The following CYFIP2 variants were observed in gnomAD, a reference collection of about 807,000 sequenced individuals.
CYFIP2 encodes cytoplasmic FMR1 interacting protein 2.
In CYFIP2, 29 loss-of-function variants were observed where a neutral mutation model predicts 158.7. The ratio of observed to expected loss-of-function variants is 0.18; its 90% CI spans 0.14 to 0.25. The LOEUF is 0.25. Among genes scored for constraint, CYFIP2 ranks in the 10% least tolerant of loss-of-function variants. The pLI, the probability that CYFIP2 is intolerant of heterozygous loss-of-function variation, is 1.00. For missense variants in CYFIP2, 852 were observed against 1,639.5 expected, an observed-to-expected ratio of 0.52 and a Z score of 8.29; for synonymous variants, 585 against 617.6, an observed-to-expected ratio of 0.95 and a Z score of 0.78.
At chr5:157,389,550 T>G in intron 29 of CYFIP2, 123 bp downstream of exon 29, 1 of 852,160 alleles carries the variant, frequency 1.2e-6, no homozygotes, top group South Asian at 1.8e-5. Context: ...CAACAACTAC[T>G]TTGTTGAGTG....
rs746532639 is a variant in CYFIP2, at chr5:157,287,119, G to C, written c.207+11G>C. 6.2e-7 allele frequency: 1 copy of C among 1,610,970 alleles called. No individual in the cohort carries two copies. The highest frequency in any genetic ancestry group is 8.5e-7 in the Non-Finnish European group (1 of 1,177,546). Reference sequence around the variant, plus strand: ...GTCCACTCCAGCATGGTAAGTCTCTGTGACCCACGTGTGCAGACATGCTCC... The same window carrying C: ...GTCCACTCCAGCATGGTAAGTCTCTCTGACCCACGTGTGCAGACATGCTCC... On this transcript the variant is annotated intron_variant, in intron 3 of 30. Coordinates refer to ENST00000620254, the MANE Select transcript of CYFIP2 (RefSeq NM_001037333.3).
intron 3 of CYFIP2, among the ~76,000 whole-genome samples, chr5:157,287,945 T>C (rs1757516855): frequency 6.6e-6 from 1 of 151,656 alleles, no homozygotes. Flanking sequence ...TTTTAAAAAT[T>C]AGCCGGGTGA....
At chr5:157,285,579 A>C in intron 2 of CYFIP2, 101 bp downstream of exon 2, 1 of 1,057,292 alleles carries the variant, frequency 9.5e-7, no homozygotes, top group Non-Finnish European at 1.4e-6. Flanking sequence ...TGCATCTAGA[A>C]GGTGAAAGGT....
chr5:157,307,900 G>A, intron 9 of CYFIP2, 35 bp downstream of exon 9: 1 of 1,242,420 alleles, frequency 8.0e-7, no homozygotes, highest in East Asian at 2.4e-5. Context: ...GCAGAGGGCT[G>A]AGGTTACCAG....
chr5:157,279,362 A>T (rs967729805), intron 1 of CYFIP2, among the ~76,000 whole-genome samples: 7 of 152,378 alleles, frequency 4.6e-5, no homozygotes, highest in African/African-American at 1.7e-4. Context: ...AAAAAGTCTT[A>T]ATATTTCATT....
chr5:157,320,050 CT>C, intron 14 of CYFIP2, 122 bp downstream of exon 14: 1 of 1,217,706 alleles, frequency 8.2e-7, no homozygotes, highest in Non-Finnish European at 1.1e-6. Flanking sequence ...CCAGAGGGCT[CT>C]TTAGGAGATT....
intron 26 of CYFIP2, chr5:157,365,103 A>G (rs1188334454): frequency 6.6e-6 from 1 of 152,204 alleles, no homozygotes; most frequent in South Asian, 2.1e-4. Context: ...TATTTAACAG[A>G]CATTTTCTCT....
At chr5:157,282,892 C>T (rs1206573229) in intron 1 of CYFIP2, among the ~76,000 whole-genome samples, 3 of 152,200 alleles carry the variant, frequency 2.0e-5, no homozygotes, top group Non-Finnish European at 4.4e-5. Flanking sequence ...TCTTCCTGGT[C>T]CCCTGGTTGG....
At chr5:157,315,246 CT>C (rs1281910746) in intron 13 of CYFIP2, among the ~76,000 whole-genome samples, 152 bp downstream of exon 13, 1 of 152,176 alleles carries the variant, frequency 6.6e-6, no homozygotes, top group Non-Finnish European at 1.5e-5. Flanking sequence ...AGAAGTTATT[CT>C]GCTACTCAGA....
rs375110631 is a variant in CYFIP2 at position 157,274,290 on chromosome 5, C to G, written c.-24+8095C>G. Among the ~76,000 whole-genome samples, 28 of 152,276 alleles carry G rather than the reference C, an allele frequency of 1.8e-4. 1 individual carries two copies. In the South Asian group the frequency reaches 5.8e-3, roughly 32 times the overall value. ...TTCCCCCAACCCCACCCCTTGGCAA[C>G]CATAGATTTGCCTATTCTGGGCATG... is the stretch of plus-strand genomic sequence containing the variant. On this transcript the variant is annotated intron_variant, in intron 1 of 30. Coordinates refer to ENST00000620254, the MANE Select transcript of CYFIP2 (RefSeq NM_001037333.3).
chr5:157,369,103 C>A lies in CYFIP2; in HGVS notation c.3039+7505C>A, dbSNP rs879726645. Among the ~76,000 whole-genome samples, 4 of 151,896 alleles carry A rather than the reference C, an allele frequency of 2.6e-5. No individual in the cohort carries two copies. In the East Asian group the frequency reaches 7.7e-4, roughly 29 times the overall value. On this transcript the variant is annotated intron_variant, in intron 26 of 30. Transcript: ENST00000620254. ...TAGTAGAGATAGGGTTTCACCATATCGGCCAGGCTGGTTCTAACTTCTGAC... is the reference window on the plus strand; with the variant it reads ...TAGTAGAGATAGGGTTTCACCATATAGGCCAGGCTGGTTCTAACTTCTGAC...
At position 157,311,547 on chromosome 5, in the gene CYFIP2, A is replaced by C. The variant is rs1245667796; in HGVS notation, c.993-117A>C. On this transcript the variant is annotated intron_variant, in intron 10 of 30. Coordinates refer to ENST00000620254, the MANE Select transcript of CYFIP2 (RefSeq NM_001037333.3). The surrounding 1 kb of genome is among the most constrained non-coding windows in gnomAD (Gnocchi z 4.7). ...TTCTTGCTGAGGCGGCTGGGATACC[A>C]TTTGGTGTCACCCAGGGGAGTTGGC... The C allele has an allele frequency of 2.5e-6, 2 of 805,910 alleles. No individual in the cohort carries two copies. Among genetic ancestry groups the C allele is most frequent in the Non-Finnish European group, 2.0e-6 (1 of 501,032 alleles). 49.9% of individuals were successfully genotyped at this position (805,910 alleles called of 1,614,324 possible). A position where few individuals can be genotyped will look rare whatever the true frequency, so the allele number is the denominator to read the frequency against.
chr5:157,377,003 G>A (rs1765544299), intron 26 of CYFIP2: 1 of 401,940 alleles, frequency 2.5e-6, no homozygotes, highest in Non-Finnish European at 5.1e-6. Flanking sequence ...CAGGTGCCCT[G>A]GGCAGGGGTC....
At chr5:157,328,104 A>G (rs1581069326) in intron 19 of CYFIP2, 55 bp downstream of exon 19, 3 of 1,537,434 alleles carry the variant, frequency 2.0e-6, no homozygotes, top group Non-Finnish European at 2.7e-6. Context: ...CACCTAGAAG[A>G]CATGATTTTC....
intron 26 of CYFIP2, chr5:157,376,987 G>A (rs555461083): frequency 1.9e-5 from 8 of 429,728 alleles, no homozygotes; most frequent in East Asian, 1.5e-4. Context: ...CGGTACCAAC[G>A]TCATACAGGT....
Position 157,287,070 on chromosome 5 carries a change from G to T in CYFIP2, c.169G>T (p.Ala57Ser). 1.2e-6 allele frequency: 2 copies of T among 1,613,528 alleles called. No homozygotes were observed. Among genetic ancestry groups the T allele is most frequent in the Non-Finnish European group, 1.7e-6 (2 of 1,179,566 alleles). Residue 57 changes from alanine (A) to serine (S), a missense_variant, in exon 3 of 31, where the codon GCA (alanine) becomes TCA (serine). By Grantham distance (99) the Ala-to-Ser change is moderately conservative. This residue lies in a region of CYFIP2 where 123 missense variants were observed against 316.7 expected (regional missense o/e 0.39). Coordinates refer to ENST00000620254, the MANE Select transcript of CYFIP2 (RefSeq NM_001037333.3). Reference sequence around the variant, plus strand: ...CAGGAATGCATTTGTCACGGGCATTGCAAGGTACATTGAGCAGGCTACAGT... The same window carrying T: ...CAGGAATGCATTTGTCACGGGCATTTCAAGGTACATTGAGCAGGCTACAGT... ...EDRNAFVTGI[A>S]RYIEQATVHS...
intron 21 of CYFIP2, among the ~76,000 whole-genome samples, chr5:157,336,801 C>T (rs1001782526): frequency 2.0e-5 from 3 of 152,208 alleles, no homozygotes; most frequent in Non-Finnish European, 4.4e-5. Context: ...TAAGCCTTTT[C>T]CATGCTTTGG....
At position 157,339,191 on chromosome 5, in the gene CYFIP2, G is replaced by T. The variant is rs1762072464; in HGVS notation, c.2520G>T (p.Leu840=). 6.2e-7 allele frequency: 1 copy of T among 1,613,904 alleles called. No individual in the cohort carries two copies. The highest frequency in any genetic ancestry group is 1.3e-5 in the African/African-American group (1 of 74,916). The stretch of plus-strand genomic sequence containing the variant: ...CCGCCCCCTATGGCCGTATCACCCT[G>T]CATGTCTTCTGGGAACTGAACTTTG... ...NVSAPYGRIT[L]HVFWELNFDF... is the part of the protein sequence containing the mutation. Residue 840 remains leucine, a synonymous_variant, in exon 22 of 31, where the codon CTG becomes CTT. Coordinates refer to ENST00000620254, the MANE Select transcript of CYFIP2 (RefSeq NM_001037333.3).
At chr5:157,308,988 G>A (rs923168130) in intron 9 of CYFIP2, among the ~76,000 whole-genome samples, 3 of 152,174 alleles carry the variant, frequency 2.0e-5, no homozygotes, top group African/African-American at 4.8e-5. Flanking sequence ...GCTCTGTAGC[G>A]TTCCCTGGAG....
Sources: allele counts gnomAD v4.1 joint callset (sites outside exome capture counted in the v4.1 genomes callset), GRCh38; gene constraint gnomAD v4.1.1; regional missense constraint gnomAD v4.1.1; non-coding constraint Gnocchi (gnomAD v3.1); transcripts MANE v1.5; gene names NCBI Gene and HGNC (gene_info 2026-07-23, HGNC 2026-07-21).